Variants in ZNRF3 observed in about 807,000 individuals in gnomAD.
ZNRF3 encodes the protein E3 ubiquitin-protein ligase ZNRF3.
A neutral mutation model predicts 72.5 loss-of-function variants in ZNRF3; 23 were observed. That is an observed-to-expected ratio of 0.32 (90% CI 0.23 to 0.45). ZNRF3 has a LOEUF of 0.45. ZNRF3 is among the 20% of genes least tolerant of loss of function. ZNRF3 has a pLI of 1.00. For missense variants in ZNRF3, 1,169 were observed against 1,272.1 expected (o/e 0.92, Z 1.23); for synonymous variants, 610 against 545.3 (o/e 1.12, Z -1.65).
chr22:28,908,319 C>T (rs1399604610), intron 1 of ZNRF3, among the ~76,000 whole-genome samples: 1 of 152,150 alleles, frequency 6.6e-6, no homozygotes. Flanking sequence ...TTACCTTCTC[C>T]TGGGAGTCTT....
intron 1 of ZNRF3, among the ~76,000 whole-genome samples, chr22:28,901,635 CTTTTTTTTTTT>C (rs132532): frequency 1.3e-5 from 1 of 74,816 alleles, no homozygotes; most frequent in African/African-American, 4.9e-5. Context: ...ATGGATGGAC[CTTTTTTTTTTT>C]TTTTTTTTTT....
chr22:29,031,057 G>A, intron 2 of ZNRF3: 1 of 150,980 alleles, frequency 6.6e-6, no homozygotes, highest in Non-Finnish European at 1.5e-5. Context: ...CGCTCCTGCC[G>A]CTGCCCCTGC....
intron 1 of ZNRF3, among the ~76,000 whole-genome samples, chr22:28,976,244 G>A (rs1038447621): frequency 1.3e-5 from 2 of 152,178 alleles, no homozygotes; most frequent in South Asian, 4.1e-4. Flanking sequence ...AACAGAGCGG[G>A]ACCCTGTCTC....
intron 1 of ZNRF3, among the ~76,000 whole-genome samples, chr22:28,894,679 G>A (rs1383817956): frequency 2.0e-5 from 3 of 152,144 alleles, no homozygotes; most frequent in Admixed American, 6.6e-5. Flanking sequence ...CAGAAAGGCC[G>A]AATGAATCTG....
Position 29,049,909 on chromosome 22 carries a change from C to T in ZNRF3, c.1728C>T (p.Asn576=), listed in dbSNP as rs1464672265. 2 of 1,603,654 alleles carry T rather than the reference C, an allele frequency of 1.2e-6. No individual in the cohort carries two copies. The highest frequency in any genetic ancestry group is 4.5e-5 in the East Asian group (2 of 44,722). Residue 576 remains asparagine, a synonymous_variant, in exon 8 of 9, where the codon AAC becomes AAT. Transcript: ENST00000544604. The surrounding 1 kb of genome is among the most constrained non-coding windows in gnomAD (Gnocchi z 5.2). ...DSVVDCTEVS[N]QGVYGSCSTF... ...TGGTAGACTGCACTGAGGTCAGCAA[C>T]CAGGGCGTGTACGGGAGCTGCTCCA...
rs911669694 is a variant in ZNRF3 at position 29,030,842 on chromosome 22, G to A, written c.427-11653G>A. Among the ~76,000 whole-genome samples the A allele has an allele frequency of 1.3e-5, 2 of 152,188 alleles. No individual in the cohort carries two copies. The highest frequency in any genetic ancestry group is 2.9e-5 in the Non-Finnish European group (2 of 68,008). ...AGGAGCCGCGGGAGGGGGGATGTTG[G>A]CCGCAGGGCCTCGGAGTTCTGAGCT... On this transcript the variant is annotated intron_variant, in intron 2 of 8. Coordinates refer to ENST00000544604, the MANE Select transcript of ZNRF3 (RefSeq NM_001206998.2). The surrounding 1 kb of genome is among the most constrained non-coding windows in gnomAD (Gnocchi z 4.2).
At chr22:28,998,754 G>C (rs1046701408) in intron 2 of ZNRF3, among the ~76,000 whole-genome samples, 1 of 152,134 alleles carries the variant, frequency 6.6e-6, no homozygotes, top group Non-Finnish European at 1.5e-5. Flanking sequence ...GCTATAAAAG[G>C]CTAACTGAAA....
chr22:29,038,584 A>G (rs769672514), intron 2 of ZNRF3, among the ~76,000 whole-genome samples: 2 of 151,894 alleles, frequency 1.3e-5, no homozygotes, highest in Admixed American at 1.3e-4. Flanking sequence ...TCCTGCCTCA[A>G]CCTCCGAAAG....
intron 1 of ZNRF3, among the ~76,000 whole-genome samples, chr22:28,962,200 C>G (rs2123804020): frequency 6.6e-6 from 1 of 152,314 alleles, no homozygotes; most frequent in South Asian, 2.1e-4. Context: ...TGGCTTGTAG[C>G]TCCTACATTG....
rs1033385257 is a variant in ZNRF3 at position 29,054,606 on chromosome 22, C to T, written c.*984C>T. On this transcript the variant is annotated 3_prime_UTR_variant, in exon 9 of 9. Coordinates refer to ENST00000544604, the MANE Select transcript of ZNRF3 (RefSeq NM_001206998.2). ...CCTGCCACTGGCTGCAGAAATGGCT[C>T]GACGGGGTGTGTGGGGACAGACACC... 6.5e-6 allele frequency: 1 copy of T among 152,808 alleles called. No individual in the cohort carries two copies. The allele number at this position is 152,808 out of a possible 1,614,324, so 9.5% of individuals were successfully genotyped here. A position where few individuals can be genotyped will look rare whatever the true frequency, so the allele number is the denominator to read the frequency against.
chr22:28,944,268 A>AT (rs898062384), intron 1 of ZNRF3, among the ~76,000 whole-genome samples: 17 of 146,446 alleles, frequency 1.2e-4, no homozygotes, highest in East Asian at 6.0e-4. Flanking sequence ...TTGGGGGAAC[A>AT]TTTTTTTTTT....
chr22:29,036,994 G>A (rs868607241), intron 2 of ZNRF3, among the ~76,000 whole-genome samples: 1 of 152,156 alleles, frequency 6.6e-6, no homozygotes, highest in African/African-American at 2.4e-5. Flanking sequence ...TCATATTAGC[G>A]CTAACAGTCC....
chr22:29,030,636 G>C lies in ZNRF3; in HGVS notation c.427-11859G>C, dbSNP rs1452333006. Among the ~76,000 whole-genome samples the C allele has an allele frequency of 6.6e-6, 1 of 151,966 alleles. No individual in the cohort carries two copies. Among genetic ancestry groups the C allele is most frequent in the South Asian group, 2.1e-4 (1 of 4,808 alleles). On this transcript the variant is annotated intron_variant, in intron 2 of 8. Coordinates refer to ENST00000544604, the MANE Select transcript of ZNRF3 (RefSeq NM_001206998.2). This position sits in a 1 kb window ranked among gnomAD's most constrained non-coding sequence, Gnocchi z 4.2. ...GAGGGGCGCGGCCGGTGGCGAGGAG[G>C]GCACTTTCCCGGGTCGGAGAAGGCC...
chr22:29,011,913 C>T (rs1001020061), intron 2 of ZNRF3, among the ~76,000 whole-genome samples: 4 of 152,226 alleles, frequency 2.6e-5, no homozygotes, highest in African/African-American at 4.8e-5. Flanking sequence ...AAAGAAATTT[C>T]CAGCTTCTCT....
At chr22:28,992,797 T>C (rs2035979746) in intron 2 of ZNRF3, 1 of 152,194 alleles carries the variant, frequency 6.6e-6, no homozygotes, top group South Asian at 2.1e-4. Flanking sequence ...TGGAAGAAAC[T>C]CATGGTCTAT....
intron 1 of ZNRF3, among the ~76,000 whole-genome samples, chr22:28,973,137 C>T (rs1335998805): frequency 1.3e-5 from 2 of 152,136 alleles, no homozygotes; most frequent in Non-Finnish European, 2.9e-5. Flanking sequence ...TACCACCACA[C>T]CTGGCTAATT....
In ZNRF3 at chr22:29,053,791, CACCCCCTACCCCATTAACAAATCA is replaced by C. The variant is rs1055824350; in HGVS notation, c.*172_*195del. On this transcript the variant is annotated 3_prime_UTR_variant, in exon 9 of 9. Coordinates refer to ENST00000544604, the MANE Select transcript of ZNRF3 (RefSeq NM_001206998.2). Reference sequence around the variant, plus strand: ...AAATGTGAGCCCCCTGTGGCAAAACCACCCCCTACCCCATTAACAAATCAACAGACAAAATTCTCCGAGTCCTTT... The same window carrying C: ...AAATGTGAGCCCCCTGTGGCAAAACCACAGACAAAATTCTCCGAGTCCTTT... 1.6e-4 allele frequency: 92 copies of C among 586,474 alleles called. No homozygotes were observed. The highest frequency in any genetic ancestry group is 4.1e-4 in the Middle Eastern group (1 of 2,432). The allele number at this position is 586,474 out of a possible 1,614,324, so 36.3% of individuals were successfully genotyped here.
intron 1 of ZNRF3, among the ~76,000 whole-genome samples, chr22:28,949,560 G>GC (rs2035119182): frequency 6.6e-6 from 1 of 152,218 alleles, no homozygotes; most frequent in Non-Finnish European, 1.5e-5. Flanking sequence ...GATTAAGCGT[G>GC]CACCACTGTG....
chr22:28,898,314 A>G (rs1183814165), intron 1 of ZNRF3, among the ~76,000 whole-genome samples: 1 of 152,192 alleles, frequency 6.6e-6, no homozygotes, highest in Admixed American at 6.5e-5. Context: ...GCTTTCAGAC[A>G]TGGTGTGTCC....
Sources: gnomAD v4.1 joint callset for allele counts (sites outside exome capture counted in the v4.1 genomes callset) on GRCh38, gnomAD v4.1.1 for gene constraint, Gnocchi (gnomAD v3.1) non-coding constraint, MANE v1.5 for transcripts, NCBI Gene and HGNC (gene_info 2026-07-23, HGNC 2026-07-21) for gene names.